TTC28: variants seen among roughly 807,000 people sequenced by gnomAD.
TTC28 encodes the protein tetratricopeptide repeat protein 28.
Under a neutral mutation model 198.0 loss-of-function variants are expected in TTC28, and 61 were observed. The observed-to-expected ratio is 0.31, with a 90% CI of 0.25 to 0.38. The LOEUF is 0.38. Among genes scored for constraint, TTC28 ranks in the 10% least tolerant of loss-of-function variants. The pLI is 1.00. For missense variants in TTC28, 2,678 were observed against 3,164.0 expected (o/e 0.85, Z 3.69); for synonymous variants, 1,171 against 1,297.8 (o/e 0.90, Z 2.10).
At chr22:28,396,495 C>T (rs1215071744) in intron 2 of TTC28, among the ~76,000 whole-genome samples, 2 of 152,154 alleles carry the variant, frequency 1.3e-5, no homozygotes, top group South Asian at 2.1e-4. Flanking sequence ...TGTCCCCCTC[C>T]CCAACCCCTT....
intron 2 of TTC28, among the ~76,000 whole-genome samples, chr22:28,584,423 G>A (rs996081236): frequency 5.3e-5 from 8 of 151,982 alleles, no homozygotes; most frequent in Non-Finnish European, 1.2e-4. Context: ...AGCTAAATCT[G>A]GTGTAATTCT....
intron 2 of TTC28, among the ~76,000 whole-genome samples, chr22:28,357,009 T>C (rs940199388): frequency 3.9e-5 from 6 of 152,314 alleles, no homozygotes; most frequent in African/African-American, 9.6e-5. Flanking sequence ...AATGTCTGCA[T>C]AGAACATCAT....
intron 12 of TTC28, among the ~76,000 whole-genome samples, chr22:28,053,653 T>C (rs767452896): frequency 5.3e-5 from 8 of 152,236 alleles, no homozygotes; most frequent in Non-Finnish European, 7.3e-5. Context: ...TTTCCTTGTT[T>C]AATTCTGAAG....
At chr22:28,221,549 G>A (rs921637458) in intron 5 of TTC28, among the ~76,000 whole-genome samples, 1 of 152,094 alleles carries the variant, frequency 6.6e-6, no homozygotes, top group East Asian at 1.9e-4. Flanking sequence ...CCACAGTATG[G>A]TATGAACCCC....
rs188843204 is a variant in TTC28, at chr22:28,222,551, T to C, written c.934-58952A>G. On this transcript the variant is annotated intron_variant, in intron 5 of 22. Coordinates refer to ENST00000397906, the MANE Select transcript of TTC28 (RefSeq NM_001145418.2). ...GTGAGACTTTAATGAGTAAACCTAA[T>C]GTACACACAAAAAGTTGGATCACAG... 2.6e-5 allele frequency among the ~76,000 whole-genome samples: 4 copies of C among 152,352 alleles called. No homozygotes were observed. In the East Asian group the frequency reaches 7.7e-4, roughly 29 times the overall value.
chr22:28,203,526 C>T (rs1266561397), intron 5 of TTC28, among the ~76,000 whole-genome samples: 1 of 152,088 alleles, frequency 6.6e-6, no homozygotes, highest in African/African-American at 2.4e-5. Flanking sequence ...CAGGTCAAGT[C>T]TTTGTGAATT....
chr22:28,630,452 G>A (rs896651066), intron 1 of TTC28, among the ~76,000 whole-genome samples: 2 of 151,970 alleles, frequency 1.3e-5, no homozygotes, highest in Non-Finnish European at 2.9e-5. Context: ...CACATGCCAC[G>A]GCATGCAGCT....
chr22:28,157,884 T>A (rs945597403), intron 6 of TTC28, among the ~76,000 whole-genome samples: 10 of 152,184 alleles, frequency 6.6e-5, no homozygotes, highest in Non-Finnish European at 1.2e-4. Context: ...TTTACCACTG[T>A]TATTCAACAT....
At chr22:27,996,658 A>T (rs1466177503) in intron 16 of TTC28, among the ~76,000 whole-genome samples, 1 of 151,100 alleles carries the variant, frequency 6.6e-6, no homozygotes, top group African/African-American at 2.4e-5. Flanking sequence ...GGAGGTGGGG[A>T]GCGGCTACTC....
At chr22:28,580,873 C>CA (rs2050223990) in intron 2 of TTC28, among the ~76,000 whole-genome samples, 1 of 152,120 alleles carries the variant, frequency 6.6e-6, no homozygotes, top group South Asian at 2.1e-4. Context: ...TCAGAAGTTT[C>CA]AAACTATATC....
chr22:28,103,908 T>C (rs1490064269), intron 8 of TTC28, among the ~76,000 whole-genome samples: 1 of 152,184 alleles, frequency 6.6e-6, no homozygotes, highest in Admixed American at 6.5e-5. Flanking sequence ...CTGTTGGAAT[T>C]TTACCACAGT....
intron 6 of TTC28, among the ~76,000 whole-genome samples, chr22:28,160,968 G>C (rs2147047725): frequency 6.6e-6 from 1 of 152,256 alleles, no homozygotes; most frequent in East Asian, 1.9e-4. Flanking sequence ...AAAATTAGCA[G>C]AGCATGCCAA....
chr22:28,621,706 G>A (rs1360159106), intron 2 of TTC28, among the ~76,000 whole-genome samples: 1 of 142,204 alleles, frequency 7.0e-6, no homozygotes, highest in Admixed American at 7.3e-5. Flanking sequence ...TGGCACTGCT[G>A]CACTCCAGCC....
intron 5 of TTC28, among the ~76,000 whole-genome samples, chr22:28,190,490 G>A (rs527490884): frequency 5.3e-5 from 8 of 152,182 alleles, no homozygotes; most frequent in Non-Finnish European, 1.2e-4. Flanking sequence ...CTAATGATGA[G>A]TATGTATACT....
At chr22:28,167,140 C>T (rs563342881) in intron 5 of TTC28, among the ~76,000 whole-genome samples, 2 of 152,152 alleles carry the variant, frequency 1.3e-5, no homozygotes, top group Non-Finnish European at 2.9e-5. Flanking sequence ...TGAATCTCTG[C>T]AAAGACCAAT....
chr22:28,675,216 C>T (rs188152849), intron 1 of TTC28, among the ~76,000 whole-genome samples: 1 of 152,170 alleles, frequency 6.6e-6, no homozygotes, highest in Admixed American at 6.5e-5. Context: ...GGACCACATA[C>T]CACACACACC....
chr22:28,345,572 A>C (rs1333623114), intron 2 of TTC28, among the ~76,000 whole-genome samples: 1 of 152,232 alleles, frequency 6.6e-6, no homozygotes, highest in Non-Finnish European at 1.5e-5. Flanking sequence ...AGGGTTTGGC[A>C]AAGAAACTCA....
At chr22:28,475,659 T>C (rs968890442) in intron 2 of TTC28, among the ~76,000 whole-genome samples, 3 of 152,208 alleles carry the variant, frequency 2.0e-5, no homozygotes, top group African/African-American at 7.2e-5. Flanking sequence ...AGTAATAACA[T>C]AAATCTTGTA....
intron 2 of TTC28, among the ~76,000 whole-genome samples, chr22:28,410,039 A>T (rs1259929850): frequency 6.6e-6 from 1 of 152,010 alleles, no homozygotes; most frequent in African/African-American, 2.4e-5. Context: ...CTCCTGCCTC[A>T]GCCTGCTGAG....
Sources: gnomAD v4.1 joint callset for allele counts (sites outside exome capture counted in the v4.1 genomes callset) on GRCh38, gnomAD v4.1.1 for gene constraint, MANE v1.5 for transcripts, NCBI Gene and HGNC (gene_info 2026-07-23, HGNC 2026-07-21) for gene names.